Variants in HMCN2 observed in about 807,000 individuals in gnomAD.
HMCN2 encodes hemicentin 2.
Under a neutral mutation model 377.5 loss-of-function variants are expected in HMCN2, and 325 were observed. That is an observed-to-expected ratio of 0.86 (90% CI 0.79 to 0.94). The LOEUF (loss-of-function observed/expected upper bound fraction) is 0.94. Ranked by LOEUF, HMCN2 falls within the 40% of genes least tolerant of loss-of-function variation. The pLI, the probability that HMCN2 is intolerant of heterozygous loss-of-function variation, is 0.00. For missense variants in HMCN2, 4,543 were observed against 4,725.3 expected (o/e 0.96, Z 1.13); for synonymous variants, 2,007 against 2,046.8 (o/e 0.98, Z 0.53).
At chr9:130,376,015 C>A in intron 51 of HMCN2, 26 bp downstream of exon 51, 3 of 970,862 alleles carry the variant, frequency 3.1e-6, no homozygotes, top group Non-Finnish European at 3.7e-6. Context: ...TGGGGCACAG[C>A]CGGGTGGGCA....
At chr9:130,367,198 G>A (rs970694404) in intron 43 of HMCN2, among the ~76,000 whole-genome samples, 2 of 152,110 alleles carry the variant, frequency 1.3e-5, no homozygotes, top group African/African-American at 2.4e-5. Flanking sequence ...GGCAGATATG[G>A]TGGAAAGACC....
intron 45 of HMCN2, 99 bp from the exon 46 acceptor site, chr9:130,370,865 A>T: frequency 1.4e-6 from 1 of 722,382 alleles, no homozygotes; most frequent in Non-Finnish European, 1.7e-6. Context: ...GACTCTCCCA[A>T]TTGGGTGGAG....
chr9:130,415,591 G>T (rs1296610326), intron 85 of HMCN2, among the ~76,000 whole-genome samples: 1 of 152,202 alleles, frequency 6.6e-6, no homozygotes, highest in Non-Finnish European at 1.5e-5. Context: ...TTGTCAACAT[G>T]CTTGAAACAA....
chr9:130,305,302 C>G (rs1416684609), intron 11 of HMCN2, among the ~76,000 whole-genome samples: 1 of 152,166 alleles, frequency 6.6e-6, no homozygotes, highest in African/African-American at 2.4e-5. Flanking sequence ...CCATTGTTCC[C>G]CACTCCCCAC....
intron 80 of HMCN2, 135 bp from the exon 81 acceptor site, chr9:130,404,734 C>T (rs1843007948): frequency 1.0e-5 from 5 of 496,902 alleles, no homozygotes; most frequent in Admixed American, 4.0e-5. Context: ...GGGCAATGGC[C>T]TATGACTAGG....
Position 130,422,799 on chromosome 9 carries a change from T to G in HMCN2, c.13381+73T>G. On this transcript the variant is annotated intron_variant, in intron 87 of 97. Transcript: ENST00000683500. The surrounding 1 kb of genome is among the most constrained non-coding windows in gnomAD (Gnocchi z 4.2). ...CCAGCGAGCATCCTCCAGAACATGCTGGACCTAGGAGGCGCAGAGCCTGTG... is the reference window on the plus strand; with the variant it reads ...CCAGCGAGCATCCTCCAGAACATGCGGGACCTAGGAGGCGCAGAGCCTGTG... 1 of 1,194,750 alleles carries G rather than the reference T, an allele frequency of 8.4e-7. No homozygotes were observed. Among genetic ancestry groups the G allele is most frequent in the South Asian group, 3.9e-5 (1 of 25,484 alleles). 74.0% of individuals were successfully genotyped at this position (1,194,750 alleles called of 1,614,324 possible). A position where few individuals can be genotyped will look rare whatever the true frequency, so the allele number is the denominator to read the frequency against.
intron 15 of HMCN2, among the ~76,000 whole-genome samples, chr9:130,310,882 C>T (rs1837211305): frequency 6.6e-6 from 1 of 152,220 alleles, no homozygotes. Flanking sequence ...GTACTACTCC[C>T]CTCCTTGGGT....
At chr9:130,405,869 T>C in intron 81 of HMCN2, 86 bp from the exon 82 acceptor site, 1 of 1,018,732 alleles carries the variant, frequency 9.8e-7, no homozygotes, top group Non-Finnish European at 1.3e-6. Context: ...GGCTGGATGC[T>C]CCATGAGAAC....
In HMCN2 at chr9:130,410,661, C is replaced by G; in HGVS notation, c.12961+9C>G. 1.3e-6 allele frequency: 2 copies of G among 1,550,392 alleles called. No individual in the cohort carries two copies. The highest frequency in any genetic ancestry group is 1.7e-6 in the Non-Finnish European group (2 of 1,146,818). ...GATCCTCGTCCTGCAGAGTGAGTCT[C>G]GGCCTCAGCAGAGTGGGGACGTGGG... On this transcript the variant is annotated intron_variant, in intron 85 of 97. Coordinates refer to ENST00000683500, the MANE Select transcript of HMCN2 (RefSeq NM_001291815.2).
At chr9:130,326,007 C>T (rs1838116135) in intron 21 of HMCN2, 37 bp downstream of exon 21, 1 of 152,256 alleles carries the variant, frequency 6.6e-6, no homozygotes, top group Non-Finnish European at 1.5e-5. Flanking sequence ...AGAGGGGGCT[C>T]AGTGGCTGTG....
At chr9:130,420,139 A>G (rs1374240166) in intron 86 of HMCN2, among the ~76,000 whole-genome samples, 1 of 137,478 alleles carries the variant, frequency 7.3e-6, no homozygotes, top group Non-Finnish European at 1.5e-5. Flanking sequence ...CAGTGGTGCA[A>G]TCTCGGTTCA....
rs763417181 is a variant in HMCN2, at chr9:130,349,520, C to T, written c.4304-17C>T. The T allele has an allele frequency of 1.1e-4, 139 of 1,301,262 alleles. No homozygotes were observed. The highest frequency in any genetic ancestry group is 6.6e-5 in the Non-Finnish European group (65 of 988,280). The allele number at this position is 1,301,262 out of a possible 1,614,324, so 80.6% of individuals were successfully genotyped here. The stretch of plus-strand genomic sequence containing the variant: ...GGTTTGAACAGTTTCCCACCCCTCA[C>T]GCCTTCTCACCCCCAGCCCCTCCTT... On this transcript the variant is annotated splice_polypyrimidine_tract_variant and intron_variant, in intron 28 of 97. Coordinates refer to ENST00000683500, the MANE Select transcript of HMCN2 (RefSeq NM_001291815.2).
intron 1 of HMCN2, among the ~76,000 whole-genome samples, chr9:130,281,441 C>CA (rs1360408698): frequency 1.3e-5 from 2 of 151,922 alleles, no homozygotes; most frequent in Non-Finnish European, 2.9e-5. Context: ...ACTAGAAATA[C>CA]AAAAAAATTA....
rs1836038432 is a variant in HMCN2, at chr9:130,294,991, G to T, written c.749G>T (p.Gly250Val). Reference sequence around the variant, plus strand: ...AAGGAGGTCACCATCTCATTGAGTGGGCCAGGGCCTGAGATTGAAGTCCAA... The same window carrying T: ...AAGGAGGTCACCATCTCATTGAGTGTGCCAGGGCCTGAGATTGAAGTCCAA... ...SLKEVTISLSGPGPEIEVQDP... is the reference protein window; with the variant it reads ...SLKEVTISLSVPGPEIEVQDP... Residue 250 changes from glycine (G) to valine (V), a missense_variant, in exon 5 of 98, where the codon GGG becomes GTG. By Grantham distance (109) the Gly-to-Val change is moderately radical. Coordinates refer to ENST00000683500, the MANE Select transcript of HMCN2 (RefSeq NM_001291815.2). The T allele has an allele frequency of 4.3e-6, 2 of 470,558 alleles. No individual in the cohort carries two copies. The highest frequency in any genetic ancestry group is 8.8e-6 in the Non-Finnish European group (2 of 226,844). The allele number at this position is 470,558 out of a possible 1,614,324, so 29.1% of individuals were successfully genotyped here.
At chr9:130,291,358 T>C (rs1835753578) in intron 4 of HMCN2, among the ~76,000 whole-genome samples, 1 of 152,146 alleles carries the variant, frequency 6.6e-6, no homozygotes, top group African/African-American at 2.4e-5. Flanking sequence ...TACGGGCGCC[T>C]GCCACCACAC....
intron 79 of HMCN2, among the ~76,000 whole-genome samples, 196 bp from the exon 80 acceptor site, chr9:130,403,545 G>A (rs965418833): frequency 6.6e-6 from 1 of 152,228 alleles, no homozygotes; most frequent in Non-Finnish European, 1.5e-5. Context: ...CGAGCACTCG[G>A]TGGCTGAGGT....
chr9:130,293,555 T>C (rs1835933916), intron 4 of HMCN2, among the ~76,000 whole-genome samples: 1 of 152,014 alleles, frequency 6.6e-6, no homozygotes, highest in Admixed American at 6.6e-5. Flanking sequence ...GTGACTTGGC[T>C]ATTGCAAAGG....
At chr9:130,325,366 G>T (rs1037800661) in intron 19 of HMCN2, among the ~76,000 whole-genome samples, 1 of 152,286 alleles carries the variant, frequency 6.6e-6, no homozygotes, top group East Asian at 1.9e-4. Context: ...AAAGTGCTGG[G>T]ATTACAGGCA....
chr9:130,378,095 C>T (rs10901268), intron 53 of HMCN2, among the ~76,000 whole-genome samples: 112,445 of 151,974 alleles, frequency 0.74, 43,264 homozygotes, highest in East Asian at 0.85. Flanking sequence ...ATGCCTCTCG[C>T]GTTGTTAGGG....
Sources: gnomAD v4.1 joint callset for allele counts (sites outside exome capture counted in the v4.1 genomes callset) on GRCh38, gnomAD v4.1.1 for gene constraint, Gnocchi (gnomAD v3.1) non-coding constraint, MANE v1.5 for transcripts, NCBI Gene and HGNC (gene_info 2026-07-23, HGNC 2026-07-21) for gene names.